The following CAPZB variants were observed in gnomAD, a reference collection of about 807,000 sequenced individuals.
CAPZB encodes the protein F-actin-capping protein subunit beta.
A neutral mutation model predicts 38.1 loss-of-function variants in CAPZB; 2 were observed. That is an observed-to-expected ratio of 0.05 (90% confidence interval 0.02 to 0.17). CAPZB has a LOEUF of 0.17. Among genes scored for constraint, CAPZB ranks in the 10% least tolerant of loss-of-function variants. CAPZB has a pLI of 1.00. For missense variants in CAPZB, 161 were observed against 334.2 expected (o/e 0.48, Z 4.04); for synonymous variants, 107 against 127.4 (o/e 0.84, Z 1.08).
intron 2 of CAPZB, among the ~76,000 whole-genome samples, chr1:19,409,412 C>T (rs1042885180): frequency 6.6e-6 from 1 of 152,078 alleles, no homozygotes; most frequent in Non-Finnish European, 1.5e-5. Flanking sequence ...TCCAGCCATC[C>T]CATCTCGGTT....
At chr1:19,400,368 A>T (rs957952278) in intron 2 of CAPZB, among the ~76,000 whole-genome samples, 4 of 152,114 alleles carry the variant, frequency 2.6e-5, no homozygotes, top group African/African-American at 9.7e-5. Flanking sequence ...CCCGGCCCAC[A>T]TTCCTGGCCT....
intron 2 of CAPZB, among the ~76,000 whole-genome samples, chr1:19,394,429 C>T (rs1048584352): frequency 6.6e-6 from 1 of 152,170 alleles, no homozygotes; most frequent in African/African-American, 2.4e-5. Flanking sequence ...AACATTAAAA[C>T]GCAAGCGATG....
intron 4 of CAPZB, among the ~76,000 whole-genome samples, chr1:19,369,505 G>A (rs1419329721): frequency 6.6e-6 from 1 of 152,250 alleles, no homozygotes; most frequent in Non-Finnish European, 1.5e-5. Flanking sequence ...TCCCACAGCA[G>A]GCAGGGCGGG....
At chr1:19,343,907 TG>T (rs1462979152) in intron 8 of CAPZB, among the ~76,000 whole-genome samples, 4 of 151,988 alleles carry the variant, frequency 2.6e-5, no homozygotes, top group Non-Finnish European at 4.4e-5. Flanking sequence ...TCAGGGAGGC[TG>T]GGGGCCTGAG....
intron 6 of CAPZB, among the ~76,000 whole-genome samples, chr1:19,354,049 C>G (rs1157958179): frequency 1.3e-5 from 2 of 152,198 alleles, no homozygotes; most frequent in African/African-American, 4.8e-5. Context: ...GAATTAAGAC[C>G]AAAACAGTTG....
rs753308326 is a variant in CAPZB, at chr1:19,357,415, G to A, written c.471+7C>T. On this transcript the variant is annotated splice_region_variant and intron_variant, in intron 5 of 8. Transcript: ENST00000264202. This position sits in a 1 kb window ranked among gnomAD's most constrained non-coding sequence, Gnocchi z 4.3. ...GGCCCGGGCCACCAGCTGCTGGGAG[G>A]CAGTACCTGCACTTCTACCACGTGG... 6 of 1,613,404 alleles carry A rather than the reference G, an allele frequency of 3.7e-6. No individual in the cohort carries two copies. In the East Asian group the frequency reaches 1.3e-4, roughly 36 times the overall value.
intron 6 of CAPZB, among the ~76,000 whole-genome samples, chr1:19,347,427 G>A (rs2093967943): frequency 6.6e-6 from 1 of 152,150 alleles, no homozygotes; most frequent in Admixed American, 6.6e-5. Flanking sequence ...GTGGCTGAGA[G>A]GAAGGGCAGG....
chr1:19,345,506 T>C (rs575683374), intron 6 of CAPZB, among the ~76,000 whole-genome samples: 3 of 152,276 alleles, frequency 2.0e-5, no homozygotes, highest in African/African-American at 7.2e-5. Flanking sequence ...CTGCCCATGG[T>C]AGAGCAGGCA....
intron 1 of CAPZB, among the ~76,000 whole-genome samples, chr1:19,443,700 T>A (rs1198348240): frequency 6.6e-6 from 1 of 152,202 alleles, no homozygotes; most frequent in African/African-American, 2.4e-5. Flanking sequence ...CTGTGTCAGG[T>A]ACTTTACAAA....
chr1:19,484,409 G>A (rs946721805), intron 1 of CAPZB: 3 of 1,523,294 alleles, frequency 2.0e-6, no homozygotes, highest in Admixed American at 2.0e-5. Context: ...ACTCAGGCCC[G>A]GGCGCCGTGG....
chr1:19,427,703 G>C (rs181128389), intron 1 of CAPZB, among the ~76,000 whole-genome samples: 3 of 152,212 alleles, frequency 2.0e-5, no homozygotes, highest in Admixed American at 1.3e-4. Context: ...AGCTGTGCAG[G>C]AGGGAGATGC....
In CAPZB at chr1:19,359,865, A is replaced by T. The variant is rs576185554; in HGVS notation, c.330-2302T>A. Among the ~76,000 whole-genome samples, 277 of 152,318 alleles carry T rather than the reference A, an allele frequency of 1.8e-3. 3 individuals are homozygous for T. Among genetic ancestry groups the T allele is most frequent in the Non-Finnish European group, 1.1e-3 (74 of 68,026 alleles). ...AACCGGCCAACACTGGCACTCAGAG[A>T]TCCCACTCCAGAAGATCATTTCCTT... On this transcript the variant is annotated intron_variant, in intron 4 of 8. Transcript: ENST00000264202.
chr1:19,480,340 A>G (rs1338580829), intron 1 of CAPZB, among the ~76,000 whole-genome samples: 4 of 152,274 alleles, frequency 2.6e-5, no homozygotes, highest in Middle Eastern at 3.4e-3. Flanking sequence ...ATAAAATGTT[A>G]TCCTCATGCG....
chr1:19,366,784 T>C (rs1400491401), intron 4 of CAPZB, among the ~76,000 whole-genome samples: 11 of 152,192 alleles, frequency 7.2e-5, no homozygotes, highest in Non-Finnish European at 2.9e-5. Flanking sequence ...GGCAGAGCCA[T>C]TCCCCGGCAG....
intron 6 of CAPZB, among the ~76,000 whole-genome samples, chr1:19,346,207 A>G (rs1177349281): frequency 3.3e-5 from 5 of 152,202 alleles, no homozygotes; most frequent in East Asian, 3.8e-4. Context: ...AGGAATACGC[A>G]GCTACGATGA....
At chr1:19,436,301 G>A (rs973554757) in intron 1 of CAPZB, among the ~76,000 whole-genome samples, 5 of 152,108 alleles carry the variant, frequency 3.3e-5, no homozygotes, top group African/African-American at 4.8e-5. Context: ...CTATGTACCC[G>A]TTAGTCACTC....
chr1:19,459,075 G>A (rs1011064851), intron 1 of CAPZB, among the ~76,000 whole-genome samples: 11 of 152,128 alleles, frequency 7.2e-5, no homozygotes, highest in Non-Finnish European at 1.6e-4. Flanking sequence ...TGACCCTCCC[G>A]CCTGCCTGCC....
At position 19,356,964 on chromosome 1, in the gene CAPZB, C is replaced by T. The variant is rs1178045538; in HGVS notation, c.472-213G>A. Reference sequence around the variant, plus strand: ...GCAGCCTCCACCTCCCAGGTTCAAGCGATTCTCCTGCCTCAGCCTCCCAAG... The same window carrying T: ...GCAGCCTCCACCTCCCAGGTTCAAGTGATTCTCCTGCCTCAGCCTCCCAAG... On this transcript the variant is annotated intron_variant, in intron 5 of 8. Coordinates refer to ENST00000264202, the MANE Select transcript of CAPZB (RefSeq NM_004930.5). This position sits in a 1 kb window ranked among gnomAD's most constrained non-coding sequence, Gnocchi z 4.3. Among the ~76,000 whole-genome samples, 3 of 152,032 alleles carry T rather than the reference C, an allele frequency of 2.0e-5. No homozygotes were observed. Among genetic ancestry groups the T allele is most frequent in the Non-Finnish European group, 4.4e-5 (3 of 68,006 alleles).
At position 19,356,885 on chromosome 1, in the gene CAPZB, A is replaced by G. The variant is rs538777201; in HGVS notation, c.472-134T>C. 2.0e-5 allele frequency: 13 copies of G among 656,212 alleles called. No homozygotes were observed. In the Admixed American group the frequency reaches 2.1e-4, roughly 11 times the overall value. The allele number at this position is 656,212 out of a possible 1,614,324, so 40.6% of individuals were successfully genotyped here. On this transcript the variant is annotated intron_variant, in intron 5 of 8. Transcript: ENST00000264202. The surrounding 1 kb of genome is among the most constrained non-coding windows in gnomAD (Gnocchi z 4.3). ...CCTTTTTTTTTTTTAAATTGGAGAC[A>G]AAGTCTCGCTCTGTCACCCAGGCTG...
Sources: allele counts gnomAD v4.1 joint callset (sites outside exome capture counted in the v4.1 genomes callset), GRCh38; gene constraint gnomAD v4.1.1; non-coding constraint Gnocchi (gnomAD v3.1); transcripts MANE v1.5; gene names NCBI Gene and HGNC (gene_info 2026-07-23, HGNC 2026-07-21).